Variants in KIAA1549L observed in about 807,000 individuals in gnomAD.
KIAA1549L encodes the protein KIAA1549 like.
KIAA1549L carries 88 observed loss-of-function variants against 160.7 expected under a neutral mutation model. The observed-to-expected ratio is 0.55, with a 90% CI of 0.46 to 0.65. The LOEUF is 0.65. Among genes scored for constraint, KIAA1549L ranks in the 30% least tolerant of loss-of-function variants. The pLI is 0.00. For synonymous variants in KIAA1549L, 950 were observed against 976.7 expected (o/e 0.97, Z 0.51); for missense variants, 2,258 against 2,437.5 (o/e 0.93, Z 1.55).
intron 1 of KIAA1549L, among the ~76,000 whole-genome samples, chr11:33,491,360 G>C (rs949636288): frequency 2.6e-5 from 4 of 152,156 alleles, no homozygotes; most frequent in African/African-American, 9.7e-5. Context: ...CAAGACCAAA[G>C]AATAGGGGAA....
intron 1 of KIAA1549L, among the ~76,000 whole-genome samples, chr11:33,464,528 C>CT (rs979747896): frequency 6.7e-6 from 1 of 149,774 alleles, no homozygotes; most frequent in Admixed American, 6.7e-5. Context: ...GCGCATGCCC[C>CT]CCCCCACACA....
At chr11:33,497,499 TAA>T (rs531975899) in intron 1 of KIAA1549L, among the ~76,000 whole-genome samples, 22 of 152,054 alleles carry the variant, frequency 1.4e-4, no homozygotes, top group Non-Finnish European at 1.5e-5. Flanking sequence ...CCCAAAATAA[TAA>T]AAAAAGAATT....
intron 1 of KIAA1549L, among the ~76,000 whole-genome samples, chr11:33,453,416 A>G (rs969248341): frequency 6.6e-6 from 1 of 152,190 alleles, no homozygotes; most frequent in African/African-American, 2.4e-5. Flanking sequence ...AATCAACAGT[A>G]TGATGTGGCT....
chr11:33,610,192 A>G (rs969869015), intron 15 of KIAA1549L, among the ~76,000 whole-genome samples: 8 of 152,190 alleles, frequency 5.3e-5, no homozygotes, highest in African/African-American at 1.9e-4. Flanking sequence ...AACAACCATA[A>G]TTGTCCATCA....
Position 33,544,326 on chromosome 11 carries a change from G to A in KIAA1549L, c.2763G>A (p.Lys921=). The A allele has an allele frequency of 6.2e-7, 1 of 1,613,850 alleles. No homozygotes were observed. The highest frequency in any genetic ancestry group is 2.2e-5 in the East Asian group (1 of 44,884). The part of the protein sequence containing the change: ...SRVLRASQHP[K]KWTADTVSSK... Reference sequence around the variant, plus strand: ...TGCTGCGGGCTTCTCAGCACCCCAAGAAATGGACAGGTGCAGCCACTAATG... The same window carrying A: ...TGCTGCGGGCTTCTCAGCACCCCAAAAAATGGACAGGTGCAGCCACTAATG... The change falls in exon 2 of 21, where the codon AAG becomes AAA. Residue 921 remains lysine, a synonymous_variant. Coordinates refer to ENST00000658780, the MANE Select transcript of KIAA1549L (RefSeq NM_012194.3).
At chr11:33,467,429 G>A (rs1467378701) in intron 1 of KIAA1549L, among the ~76,000 whole-genome samples, 11 of 152,230 alleles carry the variant, frequency 7.2e-5, no homozygotes, top group Non-Finnish European at 2.9e-5. Flanking sequence ...TGACCATTGG[G>A]CAGATGGAAA....
At chr11:33,518,432 A>G (rs1001693613) in intron 1 of KIAA1549L, among the ~76,000 whole-genome samples, 3 of 152,146 alleles carry the variant, frequency 2.0e-5, no homozygotes, top group Non-Finnish European at 2.9e-5. Flanking sequence ...CTTGAGTATG[A>G]TCCTGTACTA....
At chr11:33,460,052 A>G (rs578064183) in intron 1 of KIAA1549L, among the ~76,000 whole-genome samples, 10 of 152,026 alleles carry the variant, frequency 6.6e-5, no homozygotes, top group African/African-American at 2.2e-4. Flanking sequence ...CATATCTTTA[A>G]TGCTCTCCCC....
chr11:33,648,963 T>C (rs571610187), intron 17 of KIAA1549L, among the ~76,000 whole-genome samples: 2 of 152,288 alleles, frequency 1.3e-5, no homozygotes, highest in Admixed American at 1.3e-4. Flanking sequence ...AGAAATTATC[T>C]CTTCTAATCC....
intron 20 of KIAA1549L, among the ~76,000 whole-genome samples, chr11:33,663,077 A>G (rs1852320781): frequency 6.6e-6 from 1 of 152,226 alleles, no homozygotes; most frequent in African/African-American, 2.4e-5. Context: ...GCATATGAAA[A>G]TAAGTGCAGG....
At chr11:33,512,288 G>GGGTTCTGT (rs1360546863) in intron 1 of KIAA1549L, among the ~76,000 whole-genome samples, 5 of 152,162 alleles carry the variant, frequency 3.3e-5, no homozygotes, top group Non-Finnish European at 5.9e-5. Flanking sequence ...TTGCAGCAGT[G>GGGTTCTGT]GGTTCTGTTT....
At chr11:33,446,056 A>G (rs1851604476) in intron 1 of KIAA1549L, among the ~76,000 whole-genome samples, 1 of 150,690 alleles carries the variant, frequency 6.6e-6, no homozygotes, top group Non-Finnish European at 1.5e-5. Flanking sequence ...ACACTGCTGT[A>G]GGTATTAGGG....
intron 13 of KIAA1549L, among the ~76,000 whole-genome samples, chr11:33,601,175 C>T (rs1403071758): frequency 6.6e-6 from 1 of 152,120 alleles, no homozygotes; most frequent in Non-Finnish European, 1.5e-5. Context: ...GGTTAGAGTG[C>T]TTGCTTGGTT....
At chr11:33,423,526 A>T (rs1303661950) in intron 1 of KIAA1549L, among the ~76,000 whole-genome samples, 2 of 152,234 alleles carry the variant, frequency 1.3e-5, no homozygotes, top group Admixed American at 1.3e-4. Flanking sequence ...AAGAGGACTG[A>T]TGATTAACAG....
intron 13 of KIAA1549L, 36 bp from the exon 14 acceptor site, chr11:33,606,605 A>G: frequency 6.2e-7 from 1 of 1,601,464 alleles, no homozygotes; most frequent in East Asian, 2.2e-5. Context: ...CAGCTCCCCA[A>G]CATCATAAAA....
chr11:33,662,672 C>T (rs1206186833), intron 20 of KIAA1549L, among the ~76,000 whole-genome samples: 2 of 152,202 alleles, frequency 1.3e-5, no homozygotes, highest in African/African-American at 4.8e-5. Context: ...AGCTTTGACA[C>T]TTCACCTGTT....
intron 12 of KIAA1549L, among the ~76,000 whole-genome samples, chr11:33,596,951 A>G (rs1443570487): frequency 6.6e-6 from 1 of 152,188 alleles, no homozygotes; most frequent in Admixed American, 6.5e-5. Flanking sequence ...CAGCAATCAA[A>G]TAGCTGTTGG....
chr11:33,564,874 C>T (rs1854995154), intron 8 of KIAA1549L, among the ~76,000 whole-genome samples: 1 of 152,222 alleles, frequency 6.6e-6, no homozygotes, highest in Admixed American at 6.5e-5. Context: ...ACAATTTAGC[C>T]TGAGTACAGA....
chr11:33,377,164 T>A (rs1849972862), intron 1 of KIAA1549L, among the ~76,000 whole-genome samples: 1 of 152,206 alleles, frequency 6.6e-6, no homozygotes, highest in Non-Finnish European at 1.5e-5. Context: ...GATGTGTGTT[T>A]AGGACACCTT....
Sources: allele counts gnomAD v4.1 joint callset (sites outside exome capture counted in the v4.1 genomes callset), GRCh38; gene constraint gnomAD v4.1.1; transcripts MANE v1.5; gene names NCBI Gene and HGNC (gene_info 2026-07-23, HGNC 2026-07-21).